The following DYNC2H1 variants were observed in gnomAD, a reference collection of about 807,000 sequenced individuals.
DYNC2H1 encodes cytoplasmic dynein 2 heavy chain 1.
In DYNC2H1, 410 loss-of-function variants were observed where a neutral mutation model predicts 570.0. The observed-to-expected ratio is 0.72, with a 90% confidence interval of 0.66 to 0.78. The LOEUF (loss-of-function observed/expected upper bound fraction) is 0.78, where lower values mean the gene tolerates loss of function less well. Ranked by LOEUF, DYNC2H1 falls within the 30% of genes least tolerant of loss-of-function variation. The probability of loss-of-function intolerance (pLI) is 0.00; values close to 1 mark genes in which losing one functional copy is unlikely to be tolerated. For synonymous variants in DYNC2H1, 1,688 were observed against 1,677.6 expected (o/e 1.01, Z -0.15); for missense variants, 4,865 against 5,046.4 (o/e 0.96, Z 1.09).
intron 84 of DYNC2H1, among the ~76,000 whole-genome samples, chr11:103,427,844 C>T (rs980544612): frequency 1.3e-5 from 2 of 152,096 alleles, no homozygotes; most frequent in African/African-American, 2.4e-5. Flanking sequence ...CACACACATT[C>T]AGTCCACAGC....
At chr11:103,112,366 TAAGC>T (rs2134678118) in intron 1 of DYNC2H1, among the ~76,000 whole-genome samples, 1 of 152,308 alleles carries the variant, frequency 6.6e-6, no homozygotes, top group African/African-American at 2.4e-5. Flanking sequence ...TTGGTAATCT[TAAGC>T]AAGAGAGAGC....
intron 75 of DYNC2H1, among the ~76,000 whole-genome samples, chr11:103,293,298 A>T (rs1866688471): frequency 6.6e-6 from 1 of 151,748 alleles, no homozygotes; most frequent in Admixed American, 6.6e-5. Context: ...AGACATACGG[A>T]GCTTCTTTAT....
chr11:103,175,187 A>G (rs777118744), intron 36 of DYNC2H1, among the ~76,000 whole-genome samples: 1 of 152,152 alleles, frequency 6.6e-6, no homozygotes, highest in Non-Finnish European at 1.5e-5. Context: ...TCAGGTTGCT[A>G]TTGAAAACTA....
rs1565493048 is a variant in DYNC2H1, at chr11:103,321,011, G to A, written c.11726-18G>A. The A allele has an allele frequency of 6.4e-7, 1 of 1,567,828 alleles. No homozygotes were observed. The highest frequency in any genetic ancestry group is 1.2e-5 in the South Asian group (1 of 83,866). On this transcript the variant is annotated intron_variant, in intron 80 of 88. Transcript: ENST00000375735. ...TATTTTAGAAATGAAATTAATGAGT[G>A]TTTTTTTAAAATTATAGGTGCCAAA...
chr11:103,152,153 AGAAGCT>A lies in DYNC2H1; in HGVS notation c.2969_2974del (p.Ala990_Glu991del), dbSNP rs1860586175. ...ACCTTTAGATTTTGCCCTTATTTCA[AGAAGCT>A]GAAGACAAAAACAGACTTTTACGAA... On this transcript the variant is annotated inframe_deletion, in exon 21 of 89. Coordinates refer to ENST00000375735, the MANE Select transcript of DYNC2H1 (RefSeq NM_001377.3). 1.2e-6 allele frequency: 2 copies of A among 1,602,826 alleles called. No homozygotes were observed. Among genetic ancestry groups the A allele is most frequent in the South Asian group, 2.3e-5 (2 of 88,184 alleles).
intron 87 of DYNC2H1, among the ~76,000 whole-genome samples, chr11:103,466,076 G>A (rs1370705512): frequency 6.6e-6 from 1 of 151,534 alleles, no homozygotes; most frequent in African/African-American, 2.4e-5. Flanking sequence ...GTATGGTGCT[G>A]GTTTAGGGAA....
chr11:103,141,810 G>A (rs1859953041), intron 17 of DYNC2H1, among the ~76,000 whole-genome samples: 1 of 152,224 alleles, frequency 6.6e-6, no homozygotes, highest in Admixed American at 6.5e-5. Flanking sequence ...TGCCCCCAGA[G>A]GTGGAGCCTA....
rs554796953 is a variant in DYNC2H1 at position 103,444,999 on chromosome 11, A to G, written c.12456+8967A>G. Among the ~76,000 whole-genome samples the G allele has an allele frequency of 2.6e-4, 40 of 152,326 alleles. 1 individual carries two copies. The highest frequency in any genetic ancestry group is 5.4e-4 in the Non-Finnish European group (37 of 68,028). On this transcript the variant is annotated intron_variant, in intron 85 of 88. Coordinates refer to ENST00000375735, the MANE Select transcript of DYNC2H1 (RefSeq NM_001377.3). The stretch of plus-strand genomic sequence containing the variant: ...GATTCCGCTGGTATATGAATAAGCT[A>G]TAGGGAGGAAAAATAGGAGCAGCCT...
At position 103,168,850 on chromosome 11, in the gene DYNC2H1, A is replaced by G. The variant is rs893596050; in HGVS notation, c.4858A>G (p.Thr1620Ala). 5 of 1,613,390 alleles carry G rather than the reference A, an allele frequency of 3.1e-6. No homozygotes were observed. The highest frequency in any genetic ancestry group is 2.2e-5 in the South Asian group (2 of 91,070). ...VKQLNQIQVH[T>A]TEDWAWKKQL... ...GCAGTTAAACCAAATTCAGGTTCAT[A>G]CAACTGAAGACTGGGCTTGGAAAAA... Residue 1620 changes from threonine (T) to alanine (A), a missense_variant, in exon 32 of 89, where the codon ACA (threonine) becomes GCA (alanine). By Grantham distance (58) the Thr-to-Ala change is moderately conservative. This residue lies in a region of DYNC2H1 where 1,936 missense variants were observed against 1,962.1 expected (regional missense o/e 0.99). Transcript: ENST00000375735.
chr11:103,131,896 T>C (rs1381010764), intron 13 of DYNC2H1, among the ~76,000 whole-genome samples: 1 of 152,206 alleles, frequency 6.6e-6, no homozygotes, highest in East Asian at 1.9e-4. Flanking sequence ...TTAATTATTG[T>C]CTAGGAAAGC....
intron 83 of DYNC2H1, among the ~76,000 whole-genome samples, chr11:103,377,627 T>A (rs553914864): frequency 6.6e-6 from 1 of 152,214 alleles, no homozygotes; most frequent in South Asian, 2.1e-4. Context: ...TACATTCTTA[T>A]ACATTTATTT....
intron 82 of DYNC2H1, among the ~76,000 whole-genome samples, chr11:103,341,482 G>C (rs1311987626): frequency 6.6e-6 from 1 of 152,126 alleles, no homozygotes; most frequent in East Asian, 1.9e-4. Flanking sequence ...TATTATCTGG[G>C]AAGTTAGTTT....
chr11:103,343,882 A>G (rs1015001650), intron 82 of DYNC2H1, among the ~76,000 whole-genome samples: 2 of 152,248 alleles, frequency 1.3e-5, no homozygotes, highest in Admixed American at 6.5e-5. Context: ...TTTCATGGCT[A>G]TAAGAGAAGT....
chr11:103,203,762 A>C lies in DYNC2H1; in HGVS notation c.8297A>C (p.Asn2766Thr). The C allele has an allele frequency of 1.2e-6, 2 of 1,602,802 alleles. No individual in the cohort carries two copies. Among genetic ancestry groups the C allele is most frequent in the Non-Finnish European group, 1.7e-6 (2 of 1,172,352 alleles). Reference sequence around the variant, plus strand: ...GATGGTTTTTTTGGACCAGTCTTCAATTACTTCACATATAGTAAGTGACAT... The same window carrying C: ...GATGGTTTTTTTGGACCAGTCTTCACTTACTTCACATATAGTAAGTGACAT... ...SQDGFFGPVF[N>T]YFTYRIQQNL... Residue 2766 changes from asparagine (N) to threonine (T), a missense_variant, in exon 51 of 89, where the codon AAT (asparagine) becomes ACT (threonine). By Grantham distance (65) the Asn-to-Thr change is moderately conservative. This residue lies in a region of DYNC2H1 where 2,401 missense variants were observed against 2,454.6 expected (regional missense o/e 0.98). Transcript: ENST00000375735. This position sits in a 1 kb window ranked among gnomAD's most constrained non-coding sequence, Gnocchi z 4.7.
At position 103,204,154 on chromosome 11, in the gene DYNC2H1, A is replaced by G. The variant is rs910166209; in HGVS notation, c.8311+378A>G. On this transcript the variant is annotated intron_variant, in intron 51 of 88. Transcript: ENST00000375735. The surrounding 1 kb of genome is among the most constrained non-coding windows in gnomAD (Gnocchi z 4.1). ...CAGAAAAACTCCTGTTTTTAAAACC[A>G]TGAGATCTCATGAGAGCCATTCACT... 6.6e-6 allele frequency among the ~76,000 whole-genome samples: 1 copy of G among 152,102 alleles called. No homozygotes were observed. The highest frequency in any genetic ancestry group is 1.5e-5 in the Non-Finnish European group (1 of 68,028).
At chr11:103,386,850 A>G (rs1291809588) in intron 83 of DYNC2H1, among the ~76,000 whole-genome samples, 2 of 152,104 alleles carry the variant, frequency 1.3e-5, no homozygotes, top group African/African-American at 2.4e-5. Flanking sequence ...TTGTGGCTGC[A>G]TAGTATTCCA....
rs371981913 is a variant in DYNC2H1 at position 103,360,783 on chromosome 11, A to G, written c.12156+2424A>G. Among the ~76,000 whole-genome samples the G allele has an allele frequency of 2.6e-4, 40 of 152,326 alleles. No homozygotes were observed. The East Asian group carries it at 5.2e-3, about 20-fold the overall frequency. ...TTTACAGTTAGTTCGTAAGAGAGAT[A>G]TTAGAAGATGAAGCAAGTAAATAAA... On this transcript the variant is annotated intron_variant, in intron 83 of 88. Transcript: ENST00000375735.
Position 103,177,906 on chromosome 11 carries a change from C to T in DYNC2H1, c.6139+86C>T. ...GTCTATAATGCTGTCTTTGTCAAGA[C>T]TTCTACATGACCATAAAGTCATAAT... On this transcript the variant is annotated intron_variant, in intron 38 of 88. Transcript: ENST00000375735. The surrounding 1 kb of genome is among the most constrained non-coding windows in gnomAD (Gnocchi z 4.4). 7.1e-7 allele frequency: 1 copy of T among 1,401,388 alleles called. No individual in the cohort carries two copies. Among genetic ancestry groups the T allele is most frequent in the Non-Finnish European group, 9.5e-7 (1 of 1,051,472 alleles). 86.8% of individuals were successfully genotyped at this position (1,401,388 alleles called of 1,614,324 possible).
intron 88 of DYNC2H1, among the ~76,000 whole-genome samples, chr11:103,470,785 T>C (rs998305852): frequency 6.6e-6 from 1 of 152,238 alleles, no homozygotes; most frequent in Non-Finnish European, 1.5e-5. Context: ...ATGGTGTATA[T>C]GTGCCACATT....
Sources: allele counts gnomAD v4.1 joint callset (sites outside exome capture counted in the v4.1 genomes callset), GRCh38; gene constraint gnomAD v4.1.1; regional missense constraint gnomAD v4.1.1; non-coding constraint Gnocchi (gnomAD v3.1); transcripts MANE v1.5; gene names NCBI Gene and HGNC (gene_info 2026-07-23, HGNC 2026-07-21).